Variants in SULF1 observed in about 807,000 individuals in gnomAD.
The protein encoded by SULF1 is extracellular sulfatase Sulf-1.
A neutral mutation model predicts 110.5 loss-of-function variants in SULF1; 46 were observed. That is an observed-to-expected ratio of 0.42 (90% CI 0.33 to 0.53). The LOEUF is 0.53. Among genes scored for constraint, SULF1 ranks in the 20% least tolerant of loss-of-function variants. The probability of loss-of-function intolerance (pLI) is 0.12; values close to 1 mark genes in which losing one functional copy is unlikely to be tolerated. For synonymous variants in SULF1, 371 were observed against 387.1 expected, an observed-to-expected ratio of 0.96 and a Z score of 0.49; for missense variants, 941 against 1,094.2, an observed-to-expected ratio of 0.86 and a Z score of 1.98.
intron 1 of SULF1, among the ~76,000 whole-genome samples, chr8:69,483,317 C>A (rs1809581649): frequency 6.6e-6 from 1 of 152,140 alleles, no homozygotes; most frequent in Non-Finnish European, 1.5e-5. Context: ...CTACTTATTG[C>A]AAACTGTTTT....
intron 1 of SULF1, among the ~76,000 whole-genome samples, chr8:69,494,498 T>C (rs1049015754): frequency 3.3e-5 from 5 of 152,358 alleles, no homozygotes; most frequent in East Asian, 1.9e-4. Flanking sequence ...TCTCTGTGGC[T>C]CCCATGAAAT....
chr8:69,546,494 A>G lies in SULF1; in HGVS notation c.-133-17045A>G, dbSNP rs78506704. The stretch of plus-strand genomic sequence containing the variant: ...GCTTTCCAGCTGCTGTCCACAGGAA[A>G]GATGCTAAATTCCCATAAAGCAGTC... On this transcript the variant is annotated intron_variant, in intron 3 of 22. Coordinates refer to ENST00000402687, the MANE Select transcript of SULF1 (RefSeq NM_001128205.2). Among the ~76,000 whole-genome samples the G allele has an allele frequency of 2.7e-3, 416 of 152,330 alleles. 2 individuals are homozygous for G. Among genetic ancestry groups the G allele is most frequent in the African/African-American group, 9.2e-3 (381 of 41,582 alleles).
At chr8:69,601,583 G>A (rs192805442) in intron 9 of SULF1, 71 bp from the exon 10 acceptor site, 806 of 1,307,712 alleles carry the variant, frequency 6.2e-4, no homozygotes, top group Non-Finnish European at 6.8e-4. Flanking sequence ...GGGGGCAATC[G>A]TGGCAACACT....
At chr8:69,510,318 A>G (rs1811466091) in intron 3 of SULF1, among the ~76,000 whole-genome samples, 1 of 152,232 alleles carries the variant, frequency 6.6e-6, no homozygotes, top group Non-Finnish European at 1.5e-5. Context: ...TTAGGAACAC[A>G]GATTTGGGAG....
At chr8:69,508,334 A>G (rs557078624) in intron 3 of SULF1, among the ~76,000 whole-genome samples, 1 of 152,222 alleles carries the variant, frequency 6.6e-6, no homozygotes, top group African/African-American at 2.4e-5. Flanking sequence ...CGAACTCCCA[A>G]CCTCAGGTGA....
At chr8:69,484,448 A>C (rs1809619936) in intron 1 of SULF1, among the ~76,000 whole-genome samples, 1 of 152,224 alleles carries the variant, frequency 6.6e-6, no homozygotes, top group African/African-American at 2.4e-5. Flanking sequence ...CAGGACCTAA[A>C]AATTAAGTTG....
chr8:69,619,855 GC>G (rs1809468619), intron 13 of SULF1, among the ~76,000 whole-genome samples: 1 of 152,178 alleles, frequency 6.6e-6, no homozygotes, highest in African/African-American at 2.4e-5. Context: ...GTATCTAGGG[GC>G]GGGTGCCGAC....
intron 3 of SULF1, among the ~76,000 whole-genome samples, chr8:69,535,304 G>A (rs1315342199): frequency 6.6e-6 from 1 of 152,174 alleles, no homozygotes; most frequent in Non-Finnish European, 1.5e-5. Flanking sequence ...TTCCTCCACT[G>A]CTCAAACAAC....
At chr8:69,494,863 A>G (rs1237186012) in intron 1 of SULF1, among the ~76,000 whole-genome samples, 3 of 151,356 alleles carry the variant, frequency 2.0e-5, no homozygotes, top group Admixed American at 6.6e-5. Flanking sequence ...CTGGGTGACA[A>G]AGTGAGATCC....
intron 22 of SULF1, among the ~76,000 whole-genome samples, chr8:69,652,064 A>G (rs370698344): frequency 6.6e-6 from 1 of 152,128 alleles, no homozygotes; most frequent in East Asian, 1.9e-4. Flanking sequence ...TTCAAATACA[A>G]AAATGTAGCC....
Position 69,586,464 on chromosome 8 carries a change from T to A in SULF1, c.520T>A (p.Cys174Ser). The A allele has an allele frequency of 6.2e-7, 1 of 1,612,270 alleles. No homozygotes were observed. The highest frequency in any genetic ancestry group is 8.5e-7 in the Non-Finnish European group (1 of 1,179,596). ...TTCTCGCTTCTATAATTACACTGTT[T>A]GTCGCAATGGCATCAAAGAAAAGCA... ...KNSRFYNYTV[C>S]RNGIKEKHGF... is the part of the protein sequence containing the mutation. The change falls in exon 7 of 23, where the codon TGT becomes AGT. Residue 174 changes from cysteine to serine, a missense_variant. Around this residue, in one of 3 missense-constraint regions of SULF1, gnomAD observed 822 missense variants for 934.3 expected, o/e 0.88. Coordinates refer to ENST00000402687, the MANE Select transcript of SULF1 (RefSeq NM_001128205.2).
At chr8:69,535,581 C>T (rs1813379657) in intron 3 of SULF1, among the ~76,000 whole-genome samples, 1 of 152,088 alleles carries the variant, frequency 6.6e-6, no homozygotes, top group South Asian at 2.1e-4. Context: ...GGGCCTCTAG[C>T]GTTAGGATGT....
chr8:69,586,274 T>C, intron 6 of SULF1, 83 bp from the exon 7 acceptor site: 1 of 1,405,396 alleles, frequency 7.1e-7, no homozygotes, highest in Non-Finnish European at 9.4e-7. Context: ...CCGTCTCTTT[T>C]TCAAGTCATA....
chr8:69,487,448 C>T (rs551065773), intron 1 of SULF1, among the ~76,000 whole-genome samples: 10 of 152,160 alleles, frequency 6.6e-5, no homozygotes, highest in Non-Finnish European at 1.3e-4. Context: ...TGCAGAGTTT[C>T]GCCTGAATTC....
At chr8:69,647,355 A>G (rs1811999236) in intron 22 of SULF1, among the ~76,000 whole-genome samples, 1 of 152,214 alleles carries the variant, frequency 6.6e-6, no homozygotes, top group Non-Finnish European at 1.5e-5. Flanking sequence ...ATTTACCAAT[A>G]AGTAGATATA....
At chr8:69,475,181 A>G (rs1809249091) in intron 1 of SULF1, among the ~76,000 whole-genome samples, 1 of 152,168 alleles carries the variant, frequency 6.6e-6, no homozygotes, top group Admixed American at 6.5e-5. Flanking sequence ...GTGCCTTGCT[A>G]TAATAAGCAT....
intron 3 of SULF1, among the ~76,000 whole-genome samples, chr8:69,519,219 C>CT (rs1812130159): frequency 2.0e-5 from 3 of 152,164 alleles, no homozygotes. Flanking sequence ...TCTTTTCTCC[C>CT]CGCAAGGCAG....
Position 69,593,441 on chromosome 8 carries a change from T to C in SULF1, c.734+4300T>C, listed in dbSNP as rs932438858. ...AGGGATGCAAGTAACGTGAACACTT[T>C]CCTTTCGGTCATCTTCCTTGGTGGT... On this transcript the variant is annotated intron_variant, in intron 8 of 22. Coordinates refer to ENST00000402687, the MANE Select transcript of SULF1 (RefSeq NM_001128205.2). Among the ~76,000 whole-genome samples the C allele has an allele frequency of 2.6e-5, 4 of 152,214 alleles. No individual in the cohort carries two copies. The East Asian group carries it at 5.8e-4, about 22-fold the overall frequency.
intron 22 of SULF1, among the ~76,000 whole-genome samples, chr8:69,656,084 CT>C (rs1230848206): frequency 6.6e-6 from 1 of 151,458 alleles, no homozygotes; most frequent in African/African-American, 2.4e-5. Context: ...CCTTTATAGC[CT>C]TGATACTTGA....
Sources: gnomAD v4.1 joint callset for allele counts (sites outside exome capture counted in the v4.1 genomes callset) on GRCh38, gnomAD v4.1.1 for gene constraint, gnomAD v4.1.1 regional missense constraint, MANE v1.5 for transcripts, NCBI Gene and HGNC (gene_info 2026-07-23, HGNC 2026-07-21) for gene names.